Variants in NGLY1 observed in about 807,000 individuals in gnomAD.
The protein encoded by NGLY1 is peptide-N(4)-(N-acetyl-beta-glucosaminyl)asparagine amidase.
Under a neutral mutation model 84.6 loss-of-function variants are expected in NGLY1, and 68 were observed. The observed-to-expected ratio is 0.80, with a 90% CI of 0.66 to 0.98. The LOEUF (loss-of-function observed/expected upper bound fraction) is 0.98, where lower values mean the gene tolerates loss of function less well. Among genes scored for constraint, NGLY1 ranks in the 50% least tolerant of loss-of-function variants. NGLY1 has a pLI of 0.00. For missense variants in NGLY1, 779 were observed against 770.2 expected (o/e 1.01, Z -0.14); for synonymous variants, 280 against 275.2 (o/e 1.02, Z -0.17).
chr3:25,772,215 C>T (rs6550988), intron 2 of NGLY1, among the ~76,000 whole-genome samples: 124,020 of 152,166 alleles, frequency 0.82, 50,943 homozygotes, highest in East Asian at 0.94. Flanking sequence ...TATGCCAATT[C>T]TGCAGACCTG....
At chr3:25,737,663 C>G (rs1705907734) in intron 5 of NGLY1, among the ~76,000 whole-genome samples, 1 of 151,892 alleles carries the variant, frequency 6.6e-6, no homozygotes. Context: ...CTGCCTCAGC[C>G]TCCAGAGTAT....
chr3:25,775,766 T>G (rs1196220952), intron 2 of NGLY1, among the ~76,000 whole-genome samples: 1 of 152,188 alleles, frequency 6.6e-6, no homozygotes, highest in Non-Finnish European at 1.5e-5. Context: ...GGAGGAATAA[T>G]TTCTCATGTT....
chr3:25,768,453 C>T (rs1024419858), intron 2 of NGLY1, among the ~76,000 whole-genome samples: 68 of 148,578 alleles, frequency 4.6e-4, no homozygotes, highest in African/African-American at 1.6e-3. Context: ...GGATTAGAGA[C>T]TTAAGTGTAA....
At chr3:25,760,822 T>G (rs972075123) in intron 3 of NGLY1, among the ~76,000 whole-genome samples, 3 of 93,446 alleles carry the variant, frequency 3.2e-5, no homozygotes, top group Non-Finnish European at 6.6e-5. Context: ...ATCACGCCAT[T>G]GCACTCCAGC....
chr3:25,744,549 A>G (rs1417081076), intron 4 of NGLY1, among the ~76,000 whole-genome samples: 1 of 152,250 alleles, frequency 6.6e-6, no homozygotes, highest in Non-Finnish European at 1.5e-5. Context: ...TCTCAGTGCC[A>G]TTCACTCACT....
intron 7 of NGLY1, chr3:25,735,624 G>C (rs1479432383): frequency 6.4e-6 from 1 of 155,990 alleles, no homozygotes; most frequent in East Asian, 1.9e-4. Context: ...ATAGTTTAGT[G>C]GTTTCTTAAA....
At chr3:25,743,282 T>C (rs1706246448) in intron 4 of NGLY1, among the ~76,000 whole-genome samples, 1 of 152,188 alleles carries the variant, frequency 6.6e-6, no homozygotes, top group Non-Finnish European at 1.5e-5. Context: ...TTGTGGTAAT[T>C]TGTTATAGTA....
intron 8 of NGLY1, among the ~76,000 whole-genome samples, chr3:25,732,858 C>T (rs1193360186): frequency 1.3e-5 from 2 of 152,148 alleles, no homozygotes; most frequent in Non-Finnish European, 2.9e-5. Flanking sequence ...CACATATAAA[C>T]ACCTGTTTGA....
At chr3:25,719,867 C>G in intron 11 of NGLY1, 147 bp downstream of exon 11, 1 of 726,406 alleles carries the variant, frequency 1.4e-6, no homozygotes, top group Non-Finnish European at 2.1e-6. Context: ...AATGGGATCA[C>G]ACAGGGTTTA....
chr3:25,773,165 A>C (rs1707980399), intron 2 of NGLY1, among the ~76,000 whole-genome samples: 1 of 152,056 alleles, frequency 6.6e-6, no homozygotes, highest in African/African-American at 2.4e-5. Flanking sequence ...TTATATTTGG[A>C]TATGTAGATC....
chr3:25,740,956 G>A (rs1706106294), intron 4 of NGLY1, among the ~76,000 whole-genome samples: 1 of 151,702 alleles, frequency 6.6e-6, no homozygotes, highest in African/African-American at 2.4e-5. Context: ...GTGAAACTTC[G>A]TCTCTACTAA....
intron 8 of NGLY1, among the ~76,000 whole-genome samples, chr3:25,733,620 A>C (rs145733999): frequency 3.7e-4 from 57 of 152,158 alleles, no homozygotes; most frequent in African/African-American, 9.9e-4. Flanking sequence ...CCAATACTGA[A>C]ATTTTGTTTC....
Position 25,751,176 on chromosome 3 carries a change from C to T in NGLY1, c.580G>A (p.Ala194Thr), listed in dbSNP as rs757980826. ...TCTTGGACCGGAATACAAGCCAACG[C>T]TTTCTCCTGAAGAGCAGGATTTTCA... Reference protein sequence around the residue: ...VYENPALQEKALACIPVQELK... With the variant: ...VYENPALQEKTLACIPVQELK... Residue 194 changes from alanine (A) to threonine (T), a missense_variant, in exon 4 of 12, where the codon GCG becomes ACG. Ala to Thr is a moderately conservative substitution (Grantham distance 58). Transcript: ENST00000280700. The T allele has an allele frequency of 1.2e-6, 2 of 1,613,732 alleles. No homozygotes were observed. Among genetic ancestry groups the T allele is most frequent in the Middle Eastern group, 1.6e-4 (1 of 6,062 alleles).
intron 2 of NGLY1, among the ~76,000 whole-genome samples, 181 bp from the exon 3 acceptor site, chr3:25,764,492 C>T (rs752830045): frequency 6.6e-5 from 10 of 151,868 alleles, no homozygotes; most frequent in Non-Finnish European, 1.0e-4. Context: ...AATGCCTAAA[C>T]ATAAACCAGA....
At chr3:25,774,649 A>T (rs1247441937) in intron 2 of NGLY1, among the ~76,000 whole-genome samples, 1 of 152,144 alleles carries the variant, frequency 6.6e-6, no homozygotes, top group African/African-American at 2.4e-5. Context: ...TGCTCCACCA[A>T]TAGCACCATG....
At chr3:25,763,427 C>T (rs1707408610) in intron 3 of NGLY1, among the ~76,000 whole-genome samples, 1 of 152,136 alleles carries the variant, frequency 6.6e-6, no homozygotes, top group African/African-American at 2.4e-5. Flanking sequence ...TGTAACTGTA[C>T]CAACCTTAAC....
At chr3:25,749,323 T>C (rs748263794) in intron 4 of NGLY1, among the ~76,000 whole-genome samples, 6 of 152,180 alleles carry the variant, frequency 3.9e-5, no homozygotes, top group Non-Finnish European at 7.3e-5. Flanking sequence ...TTATTCACAA[T>C]AGCCAAAATA....
intron 1 of NGLY1, among the ~76,000 whole-genome samples, chr3:25,779,218 G>A (rs1189135424): frequency 2.0e-5 from 3 of 152,090 alleles, no homozygotes; most frequent in Admixed American, 6.5e-5. Flanking sequence ...GATTACAGGC[G>A]TGAGCCACCG....
intron 4 of NGLY1, among the ~76,000 whole-genome samples, chr3:25,745,940 T>C (rs909400384): frequency 2.0e-5 from 3 of 152,242 alleles, no homozygotes; most frequent in Non-Finnish European, 4.4e-5. Flanking sequence ...AATATAACAT[T>C]AGTCTTTCGG....
Sources: gnomAD v4.1 joint callset for allele counts (sites outside exome capture counted in the v4.1 genomes callset) on GRCh38, gnomAD v4.1.1 for gene constraint, MANE v1.5 for transcripts, NCBI Gene and HGNC (gene_info 2026-07-23, HGNC 2026-07-21) for gene names.